OR2L13: variants seen among roughly 807,000 people sequenced by gnomAD.
OR2L13 encodes olfactory receptor 2L13.
OR2L13 carries 14 observed loss-of-function variants against 15.3 expected under a neutral mutation model. The ratio of observed to expected loss-of-function variants is 0.91; its 90% CI spans 0.60 to 1.43. The LOEUF is 1.43. Ranked by LOEUF, OR2L13 falls within the 40% of genes most tolerant of loss-of-function variation. The pLI, the probability that OR2L13 is intolerant of heterozygous loss-of-function variation, is 0.00. For missense variants in OR2L13, 367 were observed against 387.9 expected, an observed-to-expected ratio of 0.95 and a Z score of 0.45; for synonymous variants, 152 against 142.9, an observed-to-expected ratio of 1.06 and a Z score of -0.45.
At chr1:248,031,772 T>C in the OR2L13 span, among the ~76,000 whole-genome samples, 2 of 152,298 alleles carry the variant, frequency 1.3e-5, no homozygotes, top group East Asian at 3.9e-4. Flanking sequence ...TAGATTTGCA[T>C]TCCTAAACAG....
chr1:247,965,756 G>A, the OR2L13 span: 1 of 1,575,062 alleles, frequency 6.3e-7, no homozygotes, highest in Non-Finnish European at 8.6e-7. Flanking sequence ...GTAGCTATCT[G>A]TCACCCTTTA....
the OR2L13 span, among the ~76,000 whole-genome samples, chr1:248,070,209 G>T: frequency 6.6e-6 from 1 of 152,028 alleles, no homozygotes; most frequent in Admixed American, 6.6e-5. Context: ...TTCCAAAATT[G>T]ACCACATAGT....
chr1:248,021,912 T>G, the OR2L13 span: 1,070 of 1,543,788 alleles, frequency 6.9e-4, 10 homozygotes, highest in African/African-American at 0.013. Flanking sequence ...GACTTACCCT[T>G]GTGTCTCCCT....
chr1:248,024,303 G>C, the OR2L13 span: 1 of 152,016 alleles, frequency 6.6e-6, no homozygotes, highest in African/African-American at 2.4e-5. Context: ...TTAATATTAT[G>C]TGTTTAAAAT....
At chr1:248,100,006 A>G in exon 3 of OR2L13, 1 of 1,613,916 alleles carries the variant, frequency 6.2e-7, no homozygotes, top group Non-Finnish European at 8.5e-7. Flanking sequence ...TTTCCCTTTC[A>G]TTGGCATCAC....
the OR2L13 span, among the ~76,000 whole-genome samples, chr1:247,943,994 A>G: frequency 6.6e-6 from 1 of 152,156 alleles, no homozygotes; most frequent in Non-Finnish European, 1.5e-5. Context: ...GTTGCCATGT[A>G]TATGAGAGTC....
At chr1:247,975,101 C>T in the OR2L13 span, 2 of 358,706 alleles carry the variant, frequency 5.6e-6, no homozygotes, top group African/African-American at 2.2e-5. Context: ...GGCCTGTGAT[C>T]ATTATGTAGC....
chr1:247,967,136 TC>T, the OR2L13 span, among the ~76,000 whole-genome samples: 5 of 152,166 alleles, frequency 3.3e-5, no homozygotes, highest in East Asian at 9.7e-4. Flanking sequence ...CAACTGCTTT[TC>T]CCTCTGCCTC....
chr1:248,018,141 C>CAA, the OR2L13 span, among the ~76,000 whole-genome samples: 1 of 147,550 alleles, frequency 6.8e-6, no homozygotes, highest in Non-Finnish European at 1.5e-5. Context: ...GGCGACAGAG[C>CAA]GACTCCATCT....
chr1:248,074,193 A>G, the OR2L13 span, among the ~76,000 whole-genome samples: 2 of 152,156 alleles, frequency 1.3e-5, no homozygotes, highest in Non-Finnish European at 2.9e-5. Flanking sequence ...AAAATAACAT[A>G]TATCAATGAC....
the OR2L13 span, among the ~76,000 whole-genome samples, chr1:247,960,034 A>C: frequency 0.8 from 121,323 of 152,000 alleles, 52,614 homozygotes; most frequent in South Asian, 0.95. Context: ...TAGAGTTTCC[A>C]GTTTTTCTGC....
chr1:248,048,443 C>A, the OR2L13 span, among the ~76,000 whole-genome samples: 5 of 152,160 alleles, frequency 3.3e-5, no homozygotes, highest in African/African-American at 1.2e-4. Context: ...AAGGAGGAAT[C>A]TCCTGTAGGA....
the OR2L13 span, among the ~76,000 whole-genome samples, chr1:248,088,885 G>C: frequency 6.6e-5 from 10 of 151,988 alleles, no homozygotes; most frequent in African/African-American, 2.2e-4. Flanking sequence ...CAAAAATAAT[G>C]AATTTTTTTT....
the OR2L13 span, among the ~76,000 whole-genome samples, chr1:248,056,356 G>C: frequency 2.0e-5 from 3 of 151,886 alleles, no homozygotes; most frequent in African/African-American, 7.3e-5. Context: ...ATCTCCTTCA[G>C]TTCCACCCTG....
chr1:248,073,838 C>T, the OR2L13 span, among the ~76,000 whole-genome samples: 10 of 151,674 alleles, frequency 6.6e-5, no homozygotes, highest in Non-Finnish European at 1.2e-4. Context: ...CCACAAATCT[C>T]TCTCCATTGA....
At chr1:248,007,786 TACAC>T in the OR2L13 span, among the ~76,000 whole-genome samples, 4 of 151,266 alleles carry the variant, frequency 2.6e-5, no homozygotes, top group African/African-American at 9.7e-5. Context: ...TTTCATAACA[TACAC>T]TGTGTGCATT....
At chr1:247,943,681 T>A in the OR2L13 span, among the ~76,000 whole-genome samples, 1 of 152,166 alleles carries the variant, frequency 6.6e-6, no homozygotes, top group African/African-American at 2.4e-5. Flanking sequence ...GGATATTAAC[T>A]TTTTACTTAC....
Position 248,099,345 on chromosome 1 carries a change from T to C in OR2L13, c.-18-13T>C. 1 of 1,426,196 alleles carries C rather than the reference T, an allele frequency of 7.0e-7. No individual in the cohort carries two copies. The highest frequency in any genetic ancestry group is 9.8e-7 in the Non-Finnish European group (1 of 1,024,092). The allele number at this position is 1,426,196 out of a possible 1,614,324, so 88.3% of individuals were successfully genotyped here. On this transcript the variant is annotated splice_polypyrimidine_tract_variant and intron_variant, in intron 2 of 2. Coordinates refer to ENST00000641714, the Ensembl canonical transcript of OR2L13. ...TTTGTGCTTTGCTTTTGTTTCTATT[T>C]CTCTTTCAACAGTTACAGCAGAAAG...
intron 2 of OR2L13, among the ~76,000 whole-genome samples, chr1:248,099,004 A>G (rs2103201654): frequency 6.6e-6 from 1 of 152,300 alleles, no homozygotes; most frequent in East Asian, 1.9e-4. Context: ...TTTATTCTCA[A>G]TTATTAACAT....
Sources: gnomAD v4.1 joint callset for allele counts (sites outside exome capture counted in the v4.1 genomes callset) on GRCh38, gnomAD v4.1.1 for gene constraint, MANE v1.5 for transcripts, NCBI Gene and HGNC (gene_info 2026-07-23, HGNC 2026-07-21) for gene names.